Variants in STX7 observed in about 807,000 individuals in gnomAD.
The protein encoded by STX7 is syntaxin 7, also known as syntaxin-7.
In STX7, 34 loss-of-function variants were observed where a neutral mutation model predicts 39.6. That is an observed-to-expected ratio of 0.86 (90% CI 0.65 to 1.14). The LOEUF (loss-of-function observed/expected upper bound fraction) is 1.14. Among genes scored for constraint, STX7 ranks in the 50% most tolerant of loss-of-function variants. The pLI is 0.00. For synonymous variants in STX7, 119 were observed against 99.1 expected (o/e 1.20, Z -1.19); for missense variants, 284 against 310.4 (o/e 0.92, Z 0.64).
chr6:132,485,004 G>A (rs773010737), intron 2 of STX7, among the ~76,000 whole-genome samples: 2 of 152,094 alleles, frequency 1.3e-5, no homozygotes, highest in Admixed American at 6.6e-5. Flanking sequence ...TCTTATTAAC[G>A]TTTTTTATTT....
intron 2 of STX7, among the ~76,000 whole-genome samples, chr6:132,494,555 T>C (rs928873187): frequency 6.6e-6 from 1 of 152,132 alleles, no homozygotes; most frequent in African/African-American, 2.4e-5. Flanking sequence ...ACCAGTTACA[T>C]GTAGATCTGG....
intron 6 of STX7, among the ~76,000 whole-genome samples, chr6:132,470,251 T>C (rs1774680014): frequency 6.6e-6 from 1 of 152,172 alleles, no homozygotes; most frequent in South Asian, 2.1e-4. Flanking sequence ...TTAGCTAATG[T>C]GAGTTTAGAG....
chr6:132,510,669 T>C (rs773290466), intron 1 of STX7, among the ~76,000 whole-genome samples: 3 of 152,352 alleles, frequency 2.0e-5, no homozygotes, highest in Non-Finnish European at 4.4e-5. Context: ...AGCTCATTCA[T>C]AGACCACTTC....
Position 132,456,212 on chromosome 6 carries a change from T to C in STX7, c.*4546A>G, listed in dbSNP as rs1774239661. 1 of 152,146 alleles carries C rather than the reference T, an allele frequency of 6.6e-6. No individual in the cohort carries two copies. Among genetic ancestry groups the C allele is most frequent in the South Asian group, 2.1e-4 (1 of 4,814 alleles). The allele number at this position is 152,146 out of a possible 1,614,324, so 9.4% of individuals were successfully genotyped here. A position where few individuals can be genotyped will look rare whatever the true frequency, so the allele number is the denominator to read the frequency against. On this transcript the variant is annotated 3_prime_UTR_variant, in exon 10 of 10. Transcript: ENST00000367941. The stretch of plus-strand genomic sequence containing the variant: ...GTTTCTCTTTAGAAAACTAGCAATT[T>C]TCTGGTAGTCTGTCAATTAAGAAAA...
chr6:132,509,463 A>C (rs879804187), intron 1 of STX7, among the ~76,000 whole-genome samples: 585 of 10,036 alleles, frequency 0.058, 11 homozygotes, highest in Admixed American at 0.21. Flanking sequence ...ATAACATAAC[A>C]TAACATAACA....
At position 132,455,399 on chromosome 6, in the gene STX7, G is replaced by A. The variant is rs1373779843; in HGVS notation, c.*5359C>T. ...TTGGAGTTAGTAACTACTGCCTAAC[G>A]ATACTTACAGTAAACACTTAAAAAT... On this transcript the variant is annotated 3_prime_UTR_variant, in exon 10 of 10. Coordinates refer to ENST00000367941, the MANE Select transcript of STX7 (RefSeq NM_003569.3). 1 of 152,144 alleles carries A rather than the reference G, an allele frequency of 6.6e-6. No homozygotes were observed. Among genetic ancestry groups the A allele is most frequent in the Non-Finnish European group, 1.5e-5 (1 of 68,018 alleles). The allele number at this position is 152,144 out of a possible 1,614,324, so 9.4% of individuals were successfully genotyped here. A position where few individuals can be genotyped will look rare whatever the true frequency, so the allele number is the denominator to read the frequency against.
At chr6:132,497,880 T>A (rs982665340) in intron 2 of STX7, among the ~76,000 whole-genome samples, 1 of 152,204 alleles carries the variant, frequency 6.6e-6, no homozygotes, top group African/African-American at 2.4e-5. Context: ...CTTTTGAACA[T>A]CTCAATCCAA....
intron 2 of STX7, among the ~76,000 whole-genome samples, chr6:132,497,635 T>G (rs1775449370): frequency 6.6e-6 from 1 of 152,166 alleles, no homozygotes; most frequent in Non-Finnish European, 1.5e-5. Context: ...AAAACATGAG[T>G]TTCTCTGTGT....
intron 2 of STX7, among the ~76,000 whole-genome samples, chr6:132,486,256 G>A (rs1775129172): frequency 6.6e-6 from 1 of 152,142 alleles, no homozygotes; most frequent in South Asian, 2.1e-4. Flanking sequence ...GAATAGAAGT[G>A]GTGAGGGCAA....
chr6:132,477,789 C>G (rs1774910471), intron 2 of STX7, among the ~76,000 whole-genome samples: 2 of 152,114 alleles, frequency 1.3e-5, no homozygotes, highest in African/African-American at 4.8e-5. Context: ...ACACAGGAGA[C>G]AGTAACTGCA....
In STX7 at chr6:132,487,035, C is replaced by T. The variant is rs80318208; in HGVS notation, c.86-11373G>A. 4.9e-3 allele frequency among the ~76,000 whole-genome samples: 744 copies of T among 152,248 alleles called. 12 individuals are homozygous for T. The highest frequency in any genetic ancestry group is 0.017 in the African/African-American group (694 of 41,562). ...TAAGGATTATGCTGACCTGCTAAAA[C>T]GAATTCTTCAATTTTTTGGAACAGT... On this transcript the variant is annotated intron_variant, in intron 2 of 9. Coordinates refer to ENST00000367941, the MANE Select transcript of STX7 (RefSeq NM_003569.3).
At chr6:132,493,388 A>C (rs1034060315) in intron 2 of STX7, among the ~76,000 whole-genome samples, 3 of 152,192 alleles carry the variant, frequency 2.0e-5, no homozygotes, top group Non-Finnish European at 4.4e-5. Flanking sequence ...TGTAGCTCCC[A>C]CAACTCCCAC....
At chr6:132,486,477 TTTTAAG>T (rs1384852156) in intron 2 of STX7, among the ~76,000 whole-genome samples, 1 of 151,698 alleles carries the variant, frequency 6.6e-6, no homozygotes, top group East Asian at 1.9e-4. Flanking sequence ...TAGGTTTTCT[TTTTAAG>T]TTTGTTAACA....
intron 2 of STX7, among the ~76,000 whole-genome samples, chr6:132,492,262 G>A (rs986182871): frequency 1.3e-5 from 2 of 152,050 alleles, no homozygotes; most frequent in Non-Finnish European, 2.9e-5. Flanking sequence ...TGTGCTCAAC[G>A]AGGAACTCCT....
In STX7 at chr6:132,467,238, A is replaced by G. The variant is rs186032407; in HGVS notation, c.610+1165T>C. ...TCTCCATCTCCTTCTTGCTCATTAA[A>G]AATGTCAGGTATGCTTCTGCCTCAA... On this transcript the variant is annotated intron_variant, in intron 8 of 9. Coordinates refer to ENST00000367941, the MANE Select transcript of STX7 (RefSeq NM_003569.3). Among the ~76,000 whole-genome samples the G allele has an allele frequency of 2.9e-3, 442 of 152,262 alleles. 1 individual carries two copies. Among genetic ancestry groups the G allele is most frequent in the Non-Finnish European group, 5.1e-3 (349 of 68,006 alleles).
intron 2 of STX7, among the ~76,000 whole-genome samples, chr6:132,484,342 G>A (rs189182703): frequency 2.6e-5 from 4 of 152,136 alleles, no homozygotes; most frequent in Non-Finnish European, 4.4e-5. Flanking sequence ...ACGTGGGTCT[G>A]CTGCCATCTA....
intron 1 of STX7, among the ~76,000 whole-genome samples, chr6:132,504,924 C>A (rs1033457978): frequency 6.6e-6 from 1 of 152,196 alleles, no homozygotes; most frequent in African/African-American, 2.4e-5. Flanking sequence ...ACCCAGAGCA[C>A]GTGGAAAGGC....
intron 8 of STX7, among the ~76,000 whole-genome samples, chr6:132,467,480 C>G (rs1045089525): frequency 4.6e-5 from 7 of 152,080 alleles, no homozygotes; most frequent in Non-Finnish European, 7.4e-5. Context: ...TTGCTTTTCT[C>G]GCCTTTTTAA....
At chr6:132,485,778 T>C (rs902695508) in intron 2 of STX7, among the ~76,000 whole-genome samples, 7 of 152,210 alleles carry the variant, frequency 4.6e-5, no homozygotes, top group African/African-American at 1.7e-4. Context: ...TCTTTTTATG[T>C]CCTATTTGTC....
Sources: gnomAD v4.1 joint callset for allele counts (sites outside exome capture counted in the v4.1 genomes callset) on GRCh38, gnomAD v4.1.1 for gene constraint, MANE v1.5 for transcripts, NCBI Gene and HGNC (gene_info 2026-07-23, HGNC 2026-07-21) for gene names.